The following ATRN variants were observed in gnomAD, a reference collection of about 807,000 sequenced individuals.
The protein encoded by ATRN is attractin-2.
A neutral mutation model predicts 178.7 loss-of-function variants in ATRN; 54 were observed. That is an observed-to-expected ratio of 0.30 (90% CI 0.24 to 0.38). The LOEUF (loss-of-function observed/expected upper bound fraction) is 0.38. ATRN is among the 10% of genes least tolerant of loss of function. The pLI is 1.00. For synonymous variants in ATRN, 636 were observed against 663.0 expected (o/e 0.96, Z 0.63); for missense variants, 1,443 against 1,815.1 (o/e 0.79, Z 3.73).
At chr20:3,616,141 T>C (rs1355058657) in intron 24 of ATRN, among the ~76,000 whole-genome samples, 1 of 152,196 alleles carries the variant, frequency 6.6e-6, no homozygotes, top group Admixed American at 6.5e-5. Flanking sequence ...TCTTTAATGC[T>C]ATTGTTCCCT....
At chr20:3,591,910 A>G (rs569436767) in intron 19 of ATRN, among the ~76,000 whole-genome samples, 1 of 152,312 alleles carries the variant, frequency 6.6e-6, no homozygotes, top group East Asian at 1.9e-4. Flanking sequence ...CATGTGAAGG[A>G]GCGTGACCCG....
intron 1 of ATRN, among the ~76,000 whole-genome samples, chr20:3,479,165 A>G (rs1191049986): frequency 6.6e-6 from 1 of 152,168 alleles, no homozygotes; most frequent in Admixed American, 6.5e-5. Flanking sequence ...TGCTGGGATT[A>G]CAGGCATGAG....
At chr20:3,545,952 A>G (rs2085694886) in intron 4 of ATRN, 62 bp downstream of exon 4, 3 of 1,550,956 alleles carry the variant, frequency 1.9e-6, no homozygotes, top group African/African-American at 1.4e-5. Context: ...ATGTTTTAAC[A>G]ACAATAATGG....
At chr20:3,518,415 A>T (rs984762536) in intron 1 of ATRN, among the ~76,000 whole-genome samples, 2 of 152,220 alleles carry the variant, frequency 1.3e-5, no homozygotes, top group Non-Finnish European at 2.9e-5. Flanking sequence ...GAAAAGACAC[A>T]TGGTTGTATG....
At chr20:3,498,785 C>T (rs1366517047) in intron 1 of ATRN, among the ~76,000 whole-genome samples, 4 of 147,410 alleles carry the variant, frequency 2.7e-5, no homozygotes, top group South Asian at 2.1e-4. Context: ...GTCAGGGATG[C>T]CCTCTCTCAC....
At chr20:3,594,153 G>C (rs889689850) in intron 19 of ATRN, among the ~76,000 whole-genome samples, 1 of 152,182 alleles carries the variant, frequency 6.6e-6, no homozygotes, top group African/African-American at 2.4e-5. Context: ...TTCTAGAGAT[G>C]CTTCACAAAT....
chr20:3,594,713 T>G (rs2086499872), intron 20 of ATRN, 141 bp downstream of exon 20: 2 of 613,592 alleles, frequency 3.3e-6, no homozygotes, highest in Admixed American at 7.3e-5. Context: ...GTTTGAAATT[T>G]TGCCCATTCT....
chr20:3,471,361 CGGCGGCGGCGGCGGT>C lies in ATRN; in HGVS notation c.256_270del (p.Ala86_Val90del), dbSNP rs1383900697. 1 of 1,479,906 alleles carries C rather than the reference CGGCGGCGGCGGCGGT, an allele frequency of 6.8e-7. No individual in the cohort carries two copies. The highest frequency in any genetic ancestry group is 1.5e-5 in the African/African-American group (1 of 67,906). The allele number at this position is 1,479,906 out of a possible 1,614,324, so 91.7% of individuals were successfully genotyped here. A position where few individuals can be genotyped will look rare whatever the true frequency, so the allele number is the denominator to read the frequency against. On this transcript the variant is annotated inframe_deletion, in exon 1 of 29. Transcript: ENST00000262919. ...CTGCCCTGTGAGGCCGAGGCCGCGGCGGCGGCGGCGGCGGTGTCGGGCTCAGCCGCAGCCGAGGCC... is the reference window on the plus strand; with the variant it reads ...CTGCCCTGTGAGGCCGAGGCCGCGGCGTCGGGCTCAGCCGCAGCCGAGGCC...
chr20:3,529,682 G>T (rs764926582), intron 1 of ATRN, among the ~76,000 whole-genome samples: 2 of 152,272 alleles, frequency 1.3e-5, no homozygotes, highest in East Asian at 3.9e-4. Flanking sequence ...GAGAGCTTTT[G>T]GGGGTGAGGA....
chr20:3,488,930 C>T (rs2084736557), intron 1 of ATRN, among the ~76,000 whole-genome samples: 1 of 152,038 alleles, frequency 6.6e-6, no homozygotes. Flanking sequence ...TTGTAGATCT[C>T]TTTCCAAGAT....
intron 11 of ATRN, among the ~76,000 whole-genome samples, chr20:3,566,171 A>C (rs1215772079): frequency 1.3e-5 from 2 of 152,182 alleles, no homozygotes; most frequent in Non-Finnish European, 2.9e-5. Context: ...TGGGGGGATA[A>C]GGTAGGAGAA....
intron 28 of ATRN, 109 bp downstream of exon 28, chr20:3,644,377 T>C (rs2087091742): frequency 1.2e-6 from 1 of 864,048 alleles, no homozygotes. Flanking sequence ...TAACCAACAG[T>C]GCCTGCCCAT....
intron 1 of ATRN, chr20:3,490,601 G>C: frequency 9.7e-7 from 1 of 1,034,916 alleles, no homozygotes; most frequent in Non-Finnish European, 1.5e-6. Context: ...CGGAGATCGA[G>C]GTAACGACCA....
At chr20:3,537,089 T>C (rs182525403) in intron 2 of ATRN, among the ~76,000 whole-genome samples, 3 of 152,356 alleles carry the variant, frequency 2.0e-5, no homozygotes, top group Non-Finnish European at 4.4e-5. Context: ...ATCTTCCATA[T>C]GTTGATATAT....
intron 24 of ATRN, among the ~76,000 whole-genome samples, chr20:3,620,220 GTTTT>G: frequency 3.8e-5 from 1 of 26,442 alleles, no homozygotes. Context: ...CACAGGAGGA[GTTTT>G]GTTTTGTTTT....
intron 7 of ATRN, 52 bp from the exon 8 acceptor site, chr20:3,560,608 TCA>T: frequency 1.4e-6 from 2 of 1,422,700 alleles, no homozygotes; most frequent in Non-Finnish European, 1.9e-6. Context: ...TTCTCTGTTC[TCA>T]GATTTAATCT....
chr20:3,579,299 A>C (rs1464847527), intron 15 of ATRN, among the ~76,000 whole-genome samples: 1 of 152,134 alleles, frequency 6.6e-6, no homozygotes, highest in Non-Finnish European at 1.5e-5. Context: ...CAGCCTGACC[A>C]ATATAGTAAA....
At chr20:3,546,634 G>A (rs199654080) in intron 4 of ATRN, among the ~76,000 whole-genome samples, 2 of 151,834 alleles carry the variant, frequency 1.3e-5, no homozygotes, top group East Asian at 1.9e-4. Context: ...CTCGTGATTC[G>A]CCAACCTCGG....
At chr20:3,559,803 GAACA>G (rs2085926390) in intron 7 of ATRN, among the ~76,000 whole-genome samples, 1 of 152,112 alleles carries the variant, frequency 6.6e-6, no homozygotes. Flanking sequence ...TAATGTGGCT[GAACA>G]AACATTTTCA....
Sources: allele counts gnomAD v4.1 joint callset (sites outside exome capture counted in the v4.1 genomes callset), GRCh38; gene constraint gnomAD v4.1.1; transcripts MANE v1.5; gene names NCBI Gene and HGNC (gene_info 2026-07-23, HGNC 2026-07-21).